Variants in ZNF680 observed in about 807,000 individuals in gnomAD.
The protein encoded by ZNF680 is zinc finger protein 680.
ZNF680 carries 6 observed loss-of-function variants against 12.1 expected under a neutral mutation model. The observed-to-expected ratio is 0.49, with a 90% CI of 0.27 to 0.98. The LOEUF (loss-of-function observed/expected upper bound fraction) is 0.98. Ranked by LOEUF, ZNF680 falls within the 50% of genes least tolerant of loss-of-function variation. ZNF680 has a pLI of 0.12. For synonymous variants in ZNF680, 170 were observed against 199.3 expected, an observed-to-expected ratio of 0.85 and a Z score of 1.24; for missense variants, 561 against 616.3, an observed-to-expected ratio of 0.91 and a Z score of 0.95.
chr7:64,507,903 T>TC, the ZNF680 span, among the ~76,000 whole-genome samples: 1 of 149,976 alleles, frequency 6.7e-6, no homozygotes, highest in Non-Finnish European at 1.5e-5. Context: ...ACTGGTTTGC[T>TC]CATTTAGTGA....
intron 3 of ZNF680, among the ~76,000 whole-genome samples, chr7:64,540,429 C>T (rs1176110342): frequency 6.6e-6 from 1 of 151,784 alleles, no homozygotes; most frequent in Non-Finnish European, 1.5e-5. Flanking sequence ...CTCAGCCTCC[C>T]AAGTAGCTGG....
At chr7:64,537,706 T>C (rs1262207520) in intron 3 of ZNF680, among the ~76,000 whole-genome samples, 1 of 152,132 alleles carries the variant, frequency 6.6e-6, no homozygotes, top group Non-Finnish European at 1.5e-5. Flanking sequence ...GGCGGGCAGA[T>C]CACAAGGTCA....
At position 64,522,143 on chromosome 7, in the gene ZNF680, T is replaced by C; in HGVS notation, c.611A>G (p.His204Arg). The C allele has an allele frequency of 6.2e-7, 1 of 1,612,496 alleles. No homozygotes were observed. Among genetic ancestry groups the C allele is most frequent in the Non-Finnish European group, 8.5e-7 (1 of 1,179,170 alleles). ...ACATTTGTAAGAATTCTCTCTAGTG[T>C]GAATTCTTATATGTTGTGTTAGATG... ...LSHLTQHIRI[H>R]TRENSYKCEE... The change falls in exon 4 of 4, where the codon CAC (histidine) becomes CGC (arginine). Residue 204 changes from histidine (H) to arginine (R), a missense_variant. His to Arg is a conservative substitution (Grantham distance 29, BLOSUM62 0). Transcript: ENST00000309683.
At position 64,553,841 on chromosome 7, in the gene ZNF680, C is replaced by T. The variant is rs192613279; in HGVS notation, c.30+9084G>A. ...ACCTCAAGTGATCTGCCCGCCACGG[C>T]CTCCCGAGGTGCCGGGATTGCAGAC... is the stretch of plus-strand genomic sequence containing the variant. On this transcript the variant is annotated intron_variant, in intron 1 of 3. Transcript: ENST00000309683. 4.7e-3 allele frequency among the ~76,000 whole-genome samples: 717 copies of T among 152,326 alleles called. 3 individuals are homozygous for T. The highest frequency in any genetic ancestry group is 0.016 in the African/African-American group (680 of 41,578).
chr7:64,503,372 G>A, the ZNF680 span, among the ~76,000 whole-genome samples: 1 of 143,608 alleles, frequency 7.0e-6, no homozygotes, highest in African/African-American at 2.6e-5. Context: ...GAAATCAACT[G>A]GAAGGCTTTT....
At chr7:64,524,967 T>C (rs999378455) in intron 3 of ZNF680, 1 of 152,182 alleles carries the variant, frequency 6.6e-6, no homozygotes, top group African/African-American at 2.4e-5. Context: ...AAGATGTCCA[T>C]CCTGCTCAAT....
intron 3 of ZNF680, among the ~76,000 whole-genome samples, chr7:64,523,554 T>C (rs929362252): frequency 1.3e-5 from 2 of 152,212 alleles, no homozygotes; most frequent in African/African-American, 4.8e-5. Flanking sequence ...TATATACATA[T>C]GTAAAATATA....
chr7:64,516,095 A>C (rs779680236), downstream of ZNF680, among the ~76,000 whole-genome samples: 6 of 152,148 alleles, frequency 3.9e-5, no homozygotes, highest in Non-Finnish European at 8.8e-5. Flanking sequence ...CCTAGTCCAT[A>C]ATAACCCTGA....
chr7:64,560,126 T>G (rs1400998972), intron 1 of ZNF680, among the ~76,000 whole-genome samples: 1 of 151,348 alleles, frequency 6.6e-6, no homozygotes, highest in Non-Finnish European at 1.5e-5. Context: ...TTTTTTTTTT[T>G]TTTTTGAGAT....
At position 64,544,319 on chromosome 7, in the gene ZNF680, G is replaced by A. The variant is rs1253786568; in HGVS notation, c.144C>T (p.Asn48=). The part of the protein sequence containing the change: ...YRKVMFENYR[N]LVFLGIAVSK... The stretch of plus-strand genomic sequence containing the variant: ...AGTTATCCTCACCCAGGAAGACCAG[G>A]TTTCTGTAGTTCTCAAACATCACTT... The change falls in exon 2 of 4, where the codon AAC becomes AAT. Residue 48 remains asparagine, a synonymous_variant. Transcript: ENST00000309683. 1 of 1,602,496 alleles carries A rather than the reference G, an allele frequency of 6.2e-7. No individual in the cohort carries two copies.
chr7:64,562,732 C>T (rs1264221763), intron 1 of ZNF680, among the ~76,000 whole-genome samples, 193 bp downstream of exon 1: 1 of 152,218 alleles, frequency 6.6e-6, no homozygotes, highest in Non-Finnish European at 1.5e-5. Context: ...GGAGACATGA[C>T]GCCCGGGGTC....
At chr7:64,549,351 T>C (rs188496667) in intron 1 of ZNF680, among the ~76,000 whole-genome samples, 29 of 152,336 alleles carry the variant, frequency 1.9e-4, no homozygotes, top group Non-Finnish European at 3.1e-4. Context: ...AGATTCTATG[T>C]ATACCTGGTG....
chr7:64,507,334 C>A, the ZNF680 span, among the ~76,000 whole-genome samples: 1 of 151,978 alleles, frequency 6.6e-6, no homozygotes, highest in Non-Finnish European at 1.5e-5. Context: ...TACAAAGTTT[C>A]AAATAGGGTA....
intron 3 of ZNF680, among the ~76,000 whole-genome samples, chr7:64,540,828 A>G (rs183241674): frequency 3.2e-4 from 48 of 152,318 alleles, no homozygotes; most frequent in Admixed American, 2.9e-3. Flanking sequence ...GATAATTACA[A>G]TATTTGACTA....
chr7:64,526,349 A>C, intron 3 of ZNF680: 1 of 1,250,188 alleles, frequency 8.0e-7, no homozygotes, highest in Non-Finnish European at 1.0e-6. Flanking sequence ...TCAAAATAAA[A>C]GGTGACAGTG....
chr7:64,501,795 A>AT, the ZNF680 span: 15 of 684,046 alleles, frequency 2.2e-5, no homozygotes, highest in East Asian at 3.1e-5. Context: ...CTAAGATCAA[A>AT]TTTTTTACCA....
At chr7:64,500,896 C>A in the ZNF680 span, 1 of 586,312 alleles carries the variant, frequency 1.7e-6, no homozygotes, top group South Asian at 1.5e-5. Context: ...GAAATCTCAA[C>A]ACTCTTGTGG....
At chr7:64,526,427 T>C (rs1381939529) in intron 3 of ZNF680, 81 of 1,487,980 alleles carry the variant, frequency 5.4e-5, no homozygotes, top group Non-Finnish European at 7.0e-5. Context: ...AAGTGGATTA[T>C]TTCTGTAATC....
chr7:64,556,687 G>A (rs1422923458), intron 1 of ZNF680, among the ~76,000 whole-genome samples: 4 of 151,988 alleles, frequency 2.6e-5, no homozygotes, highest in Admixed American at 6.6e-5. Flanking sequence ...AACCCTGAAA[G>A]AAAATCTAAA....
Sources: allele counts gnomAD v4.1 joint callset (sites outside exome capture counted in the v4.1 genomes callset), GRCh38; gene constraint gnomAD v4.1.1; transcripts MANE v1.5; gene names NCBI Gene and HGNC (gene_info 2026-07-23, HGNC 2026-07-21).